CD109: variants seen among roughly 807,000 people sequenced by gnomAD.
CD109 encodes the protein CD109 antigen.
A neutral mutation model predicts 165.8 loss-of-function variants in CD109; 149 were observed. The observed-to-expected ratio is 0.90, with a 90% CI of 0.79 to 1.03. The LOEUF (loss-of-function observed/expected upper bound fraction) is 1.03. Ranked by LOEUF, CD109 falls within the 50% of genes least tolerant of loss-of-function variation. The probability of loss-of-function intolerance (pLI) is 0.00; values close to 1 mark genes in which losing one functional copy is unlikely to be tolerated. For synonymous variants in CD109, 585 were observed against 592.1 expected (o/e 0.99, Z 0.18); for missense variants, 1,712 against 1,677.8 (o/e 1.02, Z -0.36).
chr6:73,787,219 A>AT lies in CD109; in HGVS notation c.2338-8dup, dbSNP rs762592552. The AT allele has an allele frequency of 7.1e-6, 11 of 1,545,324 alleles. No individual in the cohort carries two copies. Among genetic ancestry groups the AT allele is most frequent in the Admixed American group, 3.4e-5 (2 of 58,606 alleles). ...ATCTATTATACAAAAGCTTTGATTT[A>AT]TTTTTTTCTTTCAGGTTAAGGTAAT... On this transcript the variant is annotated splice_polypyrimidine_tract_variant and intron_variant, in intron 20 of 32. Transcript: ENST00000287097.
Position 73,781,296 on chromosome 6 carries a change from C to A in CD109, c.1940C>A (p.Thr647Lys). 1 of 1,613,020 alleles carries A rather than the reference C, an allele frequency of 6.2e-7. No individual in the cohort carries two copies. Among genetic ancestry groups the A allele is most frequent in the Admixed American group, 1.7e-5 (1 of 59,974 alleles). ...GLWVLTDANL[T>K]KDYIDGVYDN... is the part of the protein sequence containing the mutation. Reference sequence around the variant, plus strand: ...TGGGTATTGACAGATGCAAACCTCACGAAGGATTATATTGATGGTGTTTGT... The same window carrying A: ...TGGGTATTGACAGATGCAAACCTCAAGAAGGATTATATTGATGGTGTTTGT... Residue 647 changes from threonine to lysine, a missense_variant, in exon 17 of 33, where the codon ACG (threonine) becomes AAG (lysine). Transcript: ENST00000287097.
rs1288392561 is a variant in CD109, at chr6:73,828,173, A to G, written c.*4540A>G. 1 of 154,852 alleles carries G rather than the reference A, an allele frequency of 6.5e-6. No individual in the cohort carries two copies. Among genetic ancestry groups the G allele is most frequent in the African/African-American group, 2.4e-5 (1 of 41,538 alleles). 9.6% of individuals were successfully genotyped at this position (154,852 alleles called of 1,614,324 possible). ...GAGAAGAACACTGTTGAAATAAGGA[A>G]CTAAAGCTTTATATATTGATCAAGG... is the stretch of plus-strand genomic sequence containing the variant. On this transcript the variant is annotated 3_prime_UTR_variant, in exon 33 of 33. Transcript: ENST00000287097.
intron 28 of CD109, among the ~76,000 whole-genome samples, chr6:73,811,697 A>G (rs1775765458): frequency 6.6e-6 from 1 of 152,184 alleles, no homozygotes; most frequent in African/African-American, 2.4e-5. Context: ...AGAATATGCT[A>G]GTTCTTAACT....
chr6:73,764,613 G>A (rs1213416709), intron 10 of CD109, among the ~76,000 whole-genome samples: 1 of 152,008 alleles, frequency 6.6e-6, no homozygotes, highest in African/African-American at 2.4e-5. Flanking sequence ...TTAGGAGTTC[G>A]AGACCAGCCT....
intron 24 of CD109, 80 bp from the exon 25 acceptor site, chr6:73,806,764 G>A (rs1033532245): frequency 1.9e-5 from 17 of 918,492 alleles, no homozygotes; most frequent in Non-Finnish European, 2.5e-5. Flanking sequence ...GGGAAAAAGT[G>A]TTGTTGTTTT....
chr6:73,815,467 T>C (rs1333482770), intron 30 of CD109, among the ~76,000 whole-genome samples: 1 of 152,234 alleles, frequency 6.6e-6, no homozygotes, highest in Non-Finnish European at 1.5e-5. Context: ...GAGTTATTTT[T>C]CTGTAGAAAT....
intron 5 of CD109, among the ~76,000 whole-genome samples, chr6:73,740,357 A>G (rs560044574): frequency 6.6e-6 from 1 of 152,306 alleles, no homozygotes; most frequent in South Asian, 2.1e-4. Flanking sequence ...TAGGTCAGGA[A>G]AAGGATCCTT....
chr6:73,813,873 C>T (rs548474961), intron 29 of CD109, among the ~76,000 whole-genome samples: 1 of 152,024 alleles, frequency 6.6e-6, no homozygotes, highest in Non-Finnish European at 1.5e-5. Context: ...CAATTGCATG[C>T]CACCGAAAGG....
chr6:73,728,974 A>T (rs910383670), intron 3 of CD109, among the ~76,000 whole-genome samples: 1 of 152,240 alleles, frequency 6.6e-6, no homozygotes, highest in Admixed American at 6.5e-5. Flanking sequence ...CGAGGTTGCA[A>T]TCAAGATATC....
At chr6:73,686,725 T>C in the CD109 span, among the ~76,000 whole-genome samples, 4 of 152,238 alleles carry the variant, frequency 2.6e-5, no homozygotes, top group African/African-American at 7.2e-5. Context: ...AGAGTCTTTC[T>C]GTGTTGCCCA....
chr6:73,765,330 G>C (rs1265695720), intron 10 of CD109, among the ~76,000 whole-genome samples: 2 of 151,792 alleles, frequency 1.3e-5, no homozygotes, highest in African/African-American at 4.8e-5. Context: ...ATAGGACTTT[G>C]GTGTTCATTG....
intron 30 of CD109, among the ~76,000 whole-genome samples, 184 bp downstream of exon 30, chr6:73,815,307 A>G (rs977064739): frequency 2.6e-5 from 4 of 152,220 alleles, no homozygotes; most frequent in Non-Finnish European, 2.9e-5. Flanking sequence ...TTAGATGCAT[A>G]CAAAAATTAT....
intron 6 of CD109, among the ~76,000 whole-genome samples, chr6:73,757,913 A>G (rs1212074519): frequency 6.6e-6 from 1 of 152,198 alleles, no homozygotes; most frequent in Non-Finnish European, 1.5e-5. Context: ...CAACATTTTT[A>G]TAGGCTATCT....
intron 9 of CD109, 99 bp downstream of exon 9, chr6:73,762,981 T>C: frequency 9.7e-7 from 1 of 1,035,714 alleles, no homozygotes; most frequent in Non-Finnish European, 1.4e-6. Context: ...CATCATTGAC[T>C]TTCTAAAGAT....
At chr6:73,791,186 C>T (rs867792326) in intron 22 of CD109, among the ~76,000 whole-genome samples, 15 of 18,378 alleles carry the variant, frequency 8.2e-4, no homozygotes, top group African/African-American at 2.6e-3. Context: ...TACACACACA[C>T]ACATACATAT....
intron 28 of CD109, 100 bp from the exon 29 acceptor site, chr6:73,812,105 C>G: frequency 1.4e-6 from 1 of 696,532 alleles, no homozygotes; most frequent in South Asian, 2.1e-5. Flanking sequence ...TCAGTGATTG[C>G]TTCTTTTCCT....
At chr6:73,722,006 G>C (rs773929775) in intron 2 of CD109, among the ~76,000 whole-genome samples, 35 of 152,312 alleles carry the variant, frequency 2.3e-4, no homozygotes, top group Admixed American at 3.9e-4. Context: ...AAAGTGCTGG[G>C]ATTATAGGTG....
chr6:73,737,989 G>A (rs1772611129), intron 5 of CD109, among the ~76,000 whole-genome samples: 1 of 151,966 alleles, frequency 6.6e-6, no homozygotes, highest in Non-Finnish European at 1.5e-5. Context: ...CCCAGTATGT[G>A]TTAAGGACTT....
chr6:73,791,136 C>CATATATATATATATATATAT (rs61429872), intron 22 of CD109, among the ~76,000 whole-genome samples: 1 of 56,348 alleles, frequency 1.8e-5, no homozygotes, highest in Non-Finnish European at 2.9e-5. Context: ...TACATACATA[C>CATATATATATATATATATAT]ATATATATAT....
Sources: allele counts gnomAD v4.1 joint callset (sites outside exome capture counted in the v4.1 genomes callset), GRCh38; gene constraint gnomAD v4.1.1; transcripts MANE v1.5; gene names NCBI Gene and HGNC (gene_info 2026-07-23, HGNC 2026-07-21).